The following ZBTB7C variants were observed in gnomAD, a reference collection of about 807,000 sequenced individuals.
ZBTB7C encodes the protein zinc finger and BTB domain-containing protein 7C.
A neutral mutation model predicts 25.7 loss-of-function variants in ZBTB7C; 8 were observed. That is an observed-to-expected ratio of 0.31 (90% CI 0.18 to 0.56). The LOEUF is 0.56. ZBTB7C is among the 20% of genes least tolerant of loss of function. The probability of loss-of-function intolerance (pLI) is 0.91; values close to 1 mark genes in which losing one functional copy is unlikely to be tolerated. For missense variants in ZBTB7C, 824 were observed against 855.2 expected, an observed-to-expected ratio of 0.96 and a Z score of 0.46; for synonymous variants, 394 against 369.0, an observed-to-expected ratio of 1.07 and a Z score of -0.78.
chr18:48,383,937 T>C (rs572807505), intron 1 of ZBTB7C, among the ~76,000 whole-genome samples: 163 of 152,292 alleles, frequency 1.1e-3, no homozygotes, highest in African/African-American at 3.8e-3. Flanking sequence ...ATTAGAAAGA[T>C]AATCCTGGGG....
chr18:48,266,824 T>G (rs1313955767), intron 2 of ZBTB7C, among the ~76,000 whole-genome samples: 2 of 152,328 alleles, frequency 1.3e-5, no homozygotes, highest in African/African-American at 2.4e-5. Context: ...TTTTTTTTTT[T>G]TAGTTTTATG....
At chr18:48,346,310 G>A (rs1397445186) in intron 1 of ZBTB7C, among the ~76,000 whole-genome samples, 2 of 152,198 alleles carry the variant, frequency 1.3e-5, no homozygotes, top group African/African-American at 2.4e-5. Flanking sequence ...TTGCCATGCT[G>A]AGCATTTGTC....
intron 2 of ZBTB7C, among the ~76,000 whole-genome samples, chr18:48,235,954 G>T (rs9949948): frequency 0.075 from 11,419 of 151,994 alleles, 522 homozygotes; most frequent in South Asian, 0.12. Flanking sequence ...CCTAATTTGA[G>T]AATTTAAATT....
intron 3 of ZBTB7C, among the ~76,000 whole-genome samples, chr18:48,147,275 A>C (rs1341137972): frequency 6.6e-6 from 1 of 152,150 alleles, no homozygotes; most frequent in East Asian, 1.9e-4. Context: ...AGAGGGTTTC[A>C]TCATGTTGGC....
In ZBTB7C at chr18:48,027,477, G is replaced by C. The variant is rs1443497915; in HGVS notation, c.*1783C>G. Reference sequence around the variant, plus strand: ...ACATGGGCATGCTTCAGAGAAAAGTGTCTGAAACGAAGACAGGAATCTGAG... The same window carrying C: ...ACATGGGCATGCTTCAGAGAAAAGTCTCTGAAACGAAGACAGGAATCTGAG... On this transcript the variant is annotated 3_prime_UTR_variant, in exon 5 of 5. Coordinates refer to ENST00000590800, the MANE Select transcript of ZBTB7C (RefSeq NM_001318841.2). 2.0e-5 allele frequency: 3 copies of C among 152,072 alleles called. No individual in the cohort carries two copies. Among genetic ancestry groups the C allele is most frequent in the Admixed American group, 2.0e-4 (3 of 15,252 alleles). The allele number at this position is 152,072 out of a possible 1,614,324, so 9.4% of individuals were successfully genotyped here. A position where few individuals can be genotyped will look rare whatever the true frequency, so the allele number is the denominator to read the frequency against.
chr18:48,221,862 TC>T (rs1222853041), intron 2 of ZBTB7C, among the ~76,000 whole-genome samples: 1 of 97,562 alleles, frequency 1.0e-5, no homozygotes. Context: ...TGTCCTAGTC[TC>T]CCTCTATACT....
chr18:48,268,950 C>T (rs1056340868), intron 2 of ZBTB7C, among the ~76,000 whole-genome samples: 163 of 145,748 alleles, frequency 1.1e-3, no homozygotes, highest in African/African-American at 4.1e-3. Context: ...TAAGGGCTTG[C>T]TCTGTTTCTT....
At chr18:48,200,884 G>T (rs1047980069) in intron 2 of ZBTB7C, among the ~76,000 whole-genome samples, 2 of 152,228 alleles carry the variant, frequency 1.3e-5, no homozygotes, top group African/African-American at 4.8e-5. Flanking sequence ...AAAAGCAACA[G>T]ACACGGTCCC....
At chr18:48,130,978 A>T (rs190435275) in intron 3 of ZBTB7C, among the ~76,000 whole-genome samples, 237 of 152,168 alleles carry the variant, frequency 1.6e-3, no homozygotes, top group African/African-American at 5.4e-3. Flanking sequence ...ATCTCAGCTC[A>T]CTGCAACTCC....
intron 1 of ZBTB7C, among the ~76,000 whole-genome samples, chr18:48,354,648 C>G (rs2046937939): frequency 6.6e-6 from 1 of 152,170 alleles, no homozygotes; most frequent in Non-Finnish European, 1.5e-5. Context: ...CTACTAGACT[C>G]AGGAACTTGA....
At chr18:48,053,939 A>G (rs1426353706) in intron 3 of ZBTB7C, among the ~76,000 whole-genome samples, 1 of 152,252 alleles carries the variant, frequency 6.6e-6, no homozygotes. Flanking sequence ...CAGGGGAAGG[A>G]CAACATTTTG....
chr18:48,298,732 G>A (rs1434826874), intron 2 of ZBTB7C, among the ~76,000 whole-genome samples: 2 of 152,204 alleles, frequency 1.3e-5, no homozygotes, highest in African/African-American at 4.8e-5. Context: ...GTCTCCCTCA[G>A]CAGGGTAGGC....
In ZBTB7C at chr18:48,267,970, C is replaced by T. The variant is rs1186657611; in HGVS notation, c.-79+70204G>A. Reference sequence around the variant, plus strand: ...AGCCCAAATGGACTAAGACAAAAGGCCTTGTAGATTTCTAGCTTCTAAATG... The same window carrying T: ...AGCCCAAATGGACTAAGACAAAAGGTCTTGTAGATTTCTAGCTTCTAAATG... On this transcript the variant is annotated intron_variant, in intron 2 of 4. Transcript: ENST00000590800. 2.0e-5 allele frequency among the ~76,000 whole-genome samples: 3 copies of T among 152,264 alleles called. No homozygotes were observed. In the East Asian group the frequency reaches 5.8e-4, roughly 29 times the overall value.
At chr18:48,208,340 A>G (rs1356791953) in intron 2 of ZBTB7C, among the ~76,000 whole-genome samples, 3 of 152,080 alleles carry the variant, frequency 2.0e-5, no homozygotes, top group African/African-American at 7.2e-5. Flanking sequence ...CTGTCCACCA[A>G]TGCCGTTCCT....
At chr18:48,373,547 T>A (rs1050948725) in intron 1 of ZBTB7C, among the ~76,000 whole-genome samples, 6 of 152,218 alleles carry the variant, frequency 3.9e-5, no homozygotes, top group African/African-American at 1.4e-4. Flanking sequence ...ATCCCCATGC[T>A]GGAGGTTGAG....
intron 2 of ZBTB7C, among the ~76,000 whole-genome samples, chr18:48,246,051 A>C (rs1354796333): frequency 6.6e-6 from 1 of 152,198 alleles, no homozygotes; most frequent in Admixed American, 6.5e-5. Flanking sequence ...CTAAATTTGG[A>C]TCTAATCACA....
At chr18:48,404,863 T>C (rs896176614) in intron 1 of ZBTB7C, among the ~76,000 whole-genome samples, 2 of 152,342 alleles carry the variant, frequency 1.3e-5, no homozygotes, top group Non-Finnish European at 2.9e-5. Flanking sequence ...GACGTGAAGA[T>C]GAGCAACATG....
intron 1 of ZBTB7C, among the ~76,000 whole-genome samples, chr18:48,367,311 T>A (rs1326093008): frequency 7.6e-6 from 1 of 131,686 alleles, no homozygotes; most frequent in Non-Finnish European, 1.6e-5. Context: ...TATGTATAGA[T>A]ACATATATGT....
intron 2 of ZBTB7C, among the ~76,000 whole-genome samples, chr18:48,304,185 C>G (rs1252140748): frequency 6.6e-6 from 1 of 152,218 alleles, no homozygotes; most frequent in Non-Finnish European, 1.5e-5. Flanking sequence ...CAGCTGCCTG[C>G]TTCTAATGTT....
Sources: gnomAD v4.1 joint callset for allele counts (sites outside exome capture counted in the v4.1 genomes callset) on GRCh38, gnomAD v4.1.1 for gene constraint, MANE v1.5 for transcripts, NCBI Gene and HGNC (gene_info 2026-07-23, HGNC 2026-07-21) for gene names.